The following WDFY3 variants were observed in gnomAD, a reference collection of about 807,000 sequenced individuals.
WDFY3 encodes WD repeat and FYVE domain containing 3, also known as WD repeat and FYVE domain-containing protein 3.
In WDFY3, 66 loss-of-function variants were observed where a neutral mutation model predicts 409.6. That is an observed-to-expected ratio of 0.16 (90% CI 0.13 to 0.20). The LOEUF is 0.20. WDFY3 is among the 10% of genes least tolerant of loss of function. WDFY3 has a pLI of 1.00. For missense variants in WDFY3, 3,031 were observed against 4,298.1 expected (o/e 0.71, Z 8.24); for synonymous variants, 1,521 against 1,537.1 (o/e 0.99, Z 0.25).
chr4:84,733,310 G>C, intron 44 of WDFY3, 72 bp downstream of exon 44: 2 of 1,511,824 alleles, frequency 1.3e-6, no homozygotes, highest in Non-Finnish European at 1.8e-6. Context: ...TGACTAAATA[G>C]AGAAAAAACG....
At chr4:84,918,106 G>C (rs1157133674) in intron 2 of WDFY3, among the ~76,000 whole-genome samples, 1 of 152,088 alleles carries the variant, frequency 6.6e-6, no homozygotes, top group African/African-American at 2.4e-5. Context: ...TTGCTGATGG[G>C]AATGCAAAAC....
intron 13 of WDFY3, among the ~76,000 whole-genome samples, chr4:84,811,376 T>C (rs1056128047): frequency 6.6e-6 from 1 of 152,222 alleles, no homozygotes; most frequent in African/African-American, 2.4e-5. Flanking sequence ...GCACTCTAGG[T>C]GCTTTTATGC....
chr4:84,838,262 G>A (rs550257207), intron 6 of WDFY3, among the ~76,000 whole-genome samples: 1 of 152,256 alleles, frequency 6.6e-6, no homozygotes, highest in South Asian at 2.1e-4. Flanking sequence ...TATTCCTTAA[G>A]TCAACCCCAT....
intron 3 of WDFY3, among the ~76,000 whole-genome samples, chr4:84,880,919 C>T (rs1164202927): frequency 2.7e-5 from 4 of 150,908 alleles, no homozygotes; most frequent in East Asian, 3.9e-4. Flanking sequence ...GAGGGGGTTT[C>T]GCCATGTTGA....
Position 84,829,019 on chromosome 4 carries a change from C to G in WDFY3, c.941G>C (p.Cys314Ser). The stretch of plus-strand genomic sequence containing the variant: ...GCAGTCTTACCTAAGCAAGAGATCA[C>G]AAAGAAAATTATATCCTTGCCATAT... ...FRIWQGYNFLCDLLLRLEQAK... is the reference protein window; with the variant it reads ...FRIWQGYNFLSDLLLRLEQAK... Residue 314 changes from cysteine (C) to serine (S), a missense_variant, in exon 9 of 68, where the codon TGT becomes TCT. Cys to Ser is a moderately radical substitution (Grantham distance 112). Transcript: ENST00000295888. The G allele has an allele frequency of 6.2e-7, 1 of 1,609,820 alleles. No homozygotes were observed. The highest frequency in any genetic ancestry group is 1.7e-5 in the Admixed American group (1 of 59,416).
At position 84,713,297 on chromosome 4, in the gene WDFY3, G is replaced by A. The variant is rs1733254019; in HGVS notation, c.7962-58C>T. Reference sequence around the variant, plus strand: ...TGAAGTCTCAGTCAGGATCTAATGGGAAGCCTAAGAAAGGACGATTCGTTT... The same window carrying A: ...TGAAGTCTCAGTCAGGATCTAATGGAAAGCCTAAGAAAGGACGATTCGTTT... On this transcript the variant is annotated intron_variant, in intron 50 of 67. Transcript: ENST00000295888. 3 of 1,472,592 alleles carry A rather than the reference G, an allele frequency of 2.0e-6. No homozygotes were observed. The Admixed American group carries it at 5.0e-5, about 25-fold the overall frequency. The allele number at this position is 1,472,592 out of a possible 1,614,324, so 91.2% of individuals were successfully genotyped here.
At chr4:84,840,665 C>A (rs747924883) in intron 6 of WDFY3, among the ~76,000 whole-genome samples, 13 of 152,236 alleles carry the variant, frequency 8.5e-5, no homozygotes, top group Admixed American at 2.6e-4. Context: ...GCAGCCTCAA[C>A]CTCCCAGGCT....
rs751393863 is a variant in WDFY3 at position 84,829,105 on chromosome 4, C to T, written c.855G>A (p.Gly285=). ...SPLEIVEMFA[G]LSCFLKDSSD... is the part of the protein sequence containing the mutation. ...TGGAATCTTTGAGGAAACAAGAAAG[C>T]CCAGCAAACATTTCGACAATTTCTA... Residue 285 remains glycine, a synonymous_variant, in exon 9 of 68, where the codon GGG becomes GGA. Coordinates refer to ENST00000295888, the MANE Select transcript of WDFY3 (RefSeq NM_014991.6). 2 of 1,613,568 alleles carry T rather than the reference C, an allele frequency of 1.2e-6. No homozygotes were observed. Among genetic ancestry groups the T allele is most frequent in the East Asian group, 2.2e-5 (1 of 44,846 alleles).
rs781440189 is a variant in WDFY3, at chr4:84,850,926, C to CTTTTTTTTTTTTTTTTTTTTTT, written c.181-902_181-901insAAAAAAAAAAAAAAAAAAAAAA. On this transcript the variant is annotated intron_variant, in intron 4 of 67. Coordinates refer to ENST00000295888, the MANE Select transcript of WDFY3 (RefSeq NM_014991.6). The stretch of plus-strand genomic sequence containing the variant: ...AATTCTTATTTTTAATTTTATTTAT[C>CTTTTTTTTTTTTTTTTTTTTTT]TGTTTTTTTTTTTTTTTTTTTTTTT... Among the ~76,000 whole-genome samples the CTTTTTTTTTTTTTTTTTTTTTT allele has an allele frequency of 1.7e-3, 55 of 32,152 alleles. 6 individuals are homozygous for CTTTTTTTTTTTTTTTTTTTTTT. The highest frequency in any genetic ancestry group is 2.1e-3 in the Non-Finnish European group (35 of 16,910). The allele number at this position is 32,152 out of a possible 152,430, so 21.1% of individuals were successfully genotyped here. A position where few individuals can be genotyped will look rare whatever the true frequency, so the allele number is the denominator to read the frequency against.
intron 26 of WDFY3, among the ~76,000 whole-genome samples, chr4:84,779,422 C>CTT (rs772133851): frequency 3.6e-5 from 5 of 140,504 alleles, no homozygotes; most frequent in African/African-American, 5.2e-5. Context: ...ATAAATGCTG[C>CTT]TTTTTTTTTT....
At chr4:84,879,289 T>C (rs961945708) in intron 3 of WDFY3, 3 of 152,246 alleles carry the variant, frequency 2.0e-5, no homozygotes, top group Non-Finnish European at 4.4e-5. Context: ...ACTACATGGC[T>C]ACCTATCATA....
At position 84,831,614 on chromosome 4, in the gene WDFY3, T is replaced by TAAAAC. The variant is rs757302287; in HGVS notation, c.577-14_577-10dup. ...CACAGTTTCACTAAGATCTAAAAAA[T>TAAAAC]AAAACAAAACAAAACAAGAGTGTAT... On this transcript the variant is annotated splice_polypyrimidine_tract_variant and intron_variant, in intron 7 of 67. Coordinates refer to ENST00000295888, the MANE Select transcript of WDFY3 (RefSeq NM_014991.6). 8.8e-6 allele frequency: 14 copies of TAAAAC among 1,593,264 alleles called. No individual in the cohort carries two copies. The highest frequency in any genetic ancestry group is 7.0e-5 in the Admixed American group (4 of 57,496).
chr4:84,713,371 C>T lies in WDFY3; in HGVS notation c.7962-132G>A. The T allele has an allele frequency of 5.7e-6, 4 of 699,972 alleles. No individual in the cohort carries two copies. In the South Asian group the frequency reaches 7.3e-5, roughly 13 times the overall value. The allele number at this position is 699,972 out of a possible 1,614,324, so 43.4% of individuals were successfully genotyped here. A position where few individuals can be genotyped will look rare whatever the true frequency, so the allele number is the denominator to read the frequency against. ...CTCCCATAACCCACTAAATGGCAGG[C>T]AAAAGGAATATATAAATTTTGGACT... On this transcript the variant is annotated intron_variant, in intron 50 of 67. Coordinates refer to ENST00000295888, the MANE Select transcript of WDFY3 (RefSeq NM_014991.6).
At chr4:84,798,166 A>G in intron 17 of WDFY3, 58 bp from the exon 18 acceptor site, 1 of 1,383,824 alleles carries the variant, frequency 7.2e-7, no homozygotes, top group Middle Eastern at 1.8e-4. Flanking sequence ...TAATTCATTA[A>G]CCAAATATTC....
chr4:84,804,340 G>C (rs934781859), intron 15 of WDFY3, among the ~76,000 whole-genome samples: 3 of 152,166 alleles, frequency 2.0e-5, no homozygotes, highest in African/African-American at 7.2e-5. Context: ...CTGTCACAGA[G>C]AGCAATGCAG....
intron 66 of WDFY3, 81 bp from the exon 67 acceptor site, chr4:84,677,477 A>G (rs1726496042): frequency 2.9e-6 from 4 of 1,394,488 alleles, no homozygotes; most frequent in Non-Finnish European, 3.8e-6. Context: ...ATTTTGGTGG[A>G]TGTGTGTTTT....
intron 54 of WDFY3, among the ~76,000 whole-genome samples, chr4:84,704,672 A>C (rs1352947227): frequency 6.6e-6 from 1 of 152,208 alleles, no homozygotes; most frequent in Non-Finnish European, 1.5e-5. Context: ...CCACAAACTT[A>C]GTATGTCTAC....
chr4:84,852,659 TTCC>T (rs1560926983), intron 4 of WDFY3, among the ~76,000 whole-genome samples: 1 of 152,232 alleles, frequency 6.6e-6, no homozygotes, highest in African/African-American at 2.4e-5. Flanking sequence ...TTTTCAATAC[TTCC>T]TCAACACATT....
intron 2 of WDFY3, among the ~76,000 whole-genome samples, chr4:84,927,746 G>A (rs1001160647): frequency 1.2e-4 from 18 of 152,282 alleles, no homozygotes; most frequent in Admixed American, 5.9e-4. Context: ...GTGAAGATGT[G>A]CCTTCAGCCA....
Sources: gnomAD v4.1 joint callset for allele counts (sites outside exome capture counted in the v4.1 genomes callset) on GRCh38, gnomAD v4.1.1 for gene constraint, MANE v1.5 for transcripts, NCBI Gene and HGNC (gene_info 2026-07-23, HGNC 2026-07-21) for gene names.